FBXL7: variants seen among roughly 807,000 people sequenced by gnomAD.
FBXL7 encodes F-box/LRR-repeat protein 7.
Under a neutral mutation model 38.3 loss-of-function variants are expected in FBXL7, and 12 were observed. That is an observed-to-expected ratio of 0.31 (90% CI 0.20 to 0.51). FBXL7 has a LOEUF of 0.51. Among genes scored for constraint, FBXL7 ranks in the 20% least tolerant of loss-of-function variants. The pLI is 0.98. For synonymous variants in FBXL7, 297 were observed against 300.9 expected, an observed-to-expected ratio of 0.99 and a Z score of 0.13; for missense variants, 567 against 676.4, an observed-to-expected ratio of 0.84 and a Z score of 1.79.
In FBXL7 at chr5:15,592,388, C is replaced by T. The variant is rs552403537; in HGVS notation, c.38-23595C>T. 1.1e-4 allele frequency among the ~76,000 whole-genome samples: 16 copies of T among 152,262 alleles called. 1 individual carries two copies. In the South Asian group the frequency reaches 2.1e-3, roughly 20 times the overall value. ...GGATCATGGGCAATTTAAGTTCCTG[C>T]GCTCCAGTTCTCTCACCTTGAAAAT... On this transcript the variant is annotated intron_variant, in intron 1 of 3. Transcript: ENST00000504595.
rs145440302 is a variant in FBXL7, at chr5:15,785,052, G to T, written c.128-142838G>T. Among the ~76,000 whole-genome samples, 8 of 152,216 alleles carry T rather than the reference G, an allele frequency of 5.3e-5. No homozygotes were observed. In the East Asian group the frequency reaches 1.5e-3, roughly 29 times the overall value. On this transcript the variant is annotated intron_variant, in intron 2 of 3. Coordinates refer to ENST00000504595, the MANE Select transcript of FBXL7 (RefSeq NM_012304.5). Reference sequence around the variant, plus strand: ...AATCAGGTCTATACTGCAGCCTAGGGCATGATGAGCCAAACTTCTGTCTAA... The same window carrying T: ...AATCAGGTCTATACTGCAGCCTAGGTCATGATGAGCCAAACTTCTGTCTAA...
At chr5:15,606,805 A>G (rs532553657) in intron 1 of FBXL7, 8 of 152,326 alleles carry the variant, frequency 5.3e-5, no homozygotes, top group African/African-American at 1.9e-4. Flanking sequence ...AAAATGAAAC[A>G]GAGTGCTTAG....
At chr5:15,524,198 T>C (rs1737186426) in intron 1 of FBXL7, among the ~76,000 whole-genome samples, 1 of 152,220 alleles carries the variant, frequency 6.6e-6, no homozygotes, top group African/African-American at 2.4e-5. Context: ...ACCACAGGGC[T>C]GTGACTCCCC....
intron 1 of FBXL7, among the ~76,000 whole-genome samples, chr5:15,529,875 C>T (rs1409448921): frequency 1.3e-5 from 2 of 152,170 alleles, no homozygotes; most frequent in Non-Finnish European, 2.9e-5. Flanking sequence ...TATCCCCTGC[C>T]ATCTTGCTAG....
chr5:15,570,224 CT>C (rs1223796132), intron 1 of FBXL7, among the ~76,000 whole-genome samples: 2 of 152,056 alleles, frequency 1.3e-5, no homozygotes, highest in African/African-American at 4.8e-5. Flanking sequence ...TGGTCCTGGA[CT>C]TTTTTTGGTT....
Position 15,563,025 on chromosome 5 carries a change from C to T in FBXL7, c.38-52958C>T, listed in dbSNP as rs184152606. ...GTTGGGGAAAATATAGCAGAACTTA[C>T]TTATCTTTTCTTCTGCTGATAGACA... On this transcript the variant is annotated intron_variant, in intron 1 of 3. Coordinates refer to ENST00000504595, the MANE Select transcript of FBXL7 (RefSeq NM_012304.5). Among the ~76,000 whole-genome samples the T allele has an allele frequency of 2.6e-5, 4 of 152,212 alleles. No homozygotes were observed. In the East Asian group the frequency reaches 7.7e-4, roughly 29 times the overall value.
chr5:15,812,461 G>A (rs1045899813), intron 2 of FBXL7, among the ~76,000 whole-genome samples: 1 of 151,998 alleles, frequency 6.6e-6, no homozygotes, highest in Non-Finnish European at 1.5e-5. Context: ...CCTATGAAAC[G>A]AACCTGCGCA....
intron 2 of FBXL7, among the ~76,000 whole-genome samples, chr5:15,743,058 G>A (rs564259945): frequency 4.6e-5 from 7 of 152,154 alleles, no homozygotes; most frequent in Non-Finnish European, 7.4e-5. Context: ...TGGGAGCTAC[G>A]ATTCAAGATG....
chr5:15,913,599 A>G (rs1030302810), intron 2 of FBXL7, among the ~76,000 whole-genome samples: 3 of 152,238 alleles, frequency 2.0e-5, no homozygotes, highest in East Asian at 1.9e-4. Flanking sequence ...ATTCAATACT[A>G]TGCCATCTAT....
chr5:15,631,996 A>G (rs1402544471), intron 2 of FBXL7, among the ~76,000 whole-genome samples: 4 of 152,208 alleles, frequency 2.6e-5, no homozygotes, highest in Admixed American at 2.0e-4. Context: ...AAGCGTAACA[A>G]CAGAGTTACC....
chr5:15,548,521 T>G (rs1178600250), intron 1 of FBXL7, among the ~76,000 whole-genome samples: 1 of 152,214 alleles, frequency 6.6e-6, no homozygotes, highest in East Asian at 1.9e-4. Flanking sequence ...AACCTCACTG[T>G]TCCTCAGTCT....
chr5:15,730,674 T>C (rs13169630), intron 2 of FBXL7, among the ~76,000 whole-genome samples: 351 of 152,352 alleles, frequency 2.3e-3, no homozygotes, highest in African/African-American at 7.9e-3. Flanking sequence ...AAACCATGCA[T>C]CCTACTATGA....
At chr5:15,630,438 C>G (rs1474053527) in intron 2 of FBXL7, among the ~76,000 whole-genome samples, 4 of 150,460 alleles carry the variant, frequency 2.7e-5, no homozygotes, top group African/African-American at 9.8e-5. Context: ...TTTATTGGCA[C>G]AAAATATGGC....
At chr5:15,929,134 G>A (rs1741972595) in intron 3 of FBXL7, among the ~76,000 whole-genome samples, 2 of 152,166 alleles carry the variant, frequency 1.3e-5, no homozygotes, top group South Asian at 4.1e-4. Context: ...CGGGCCAGAC[G>A]GTGCCCACTG....
chr5:15,697,251 C>T (rs1438058986), intron 2 of FBXL7, among the ~76,000 whole-genome samples: 1 of 151,894 alleles, frequency 6.6e-6, no homozygotes, highest in Non-Finnish European at 1.5e-5. Flanking sequence ...GAAGATTTTC[C>T]AAGAAAGTAT....
chr5:15,511,791 A>T (rs1446234041), intron 1 of FBXL7, among the ~76,000 whole-genome samples: 1 of 152,156 alleles, frequency 6.6e-6, no homozygotes, highest in African/African-American at 2.4e-5. Flanking sequence ...AACAATGGGG[A>T]TCCTTTCATC....
chr5:15,891,928 G>A (rs1740920243), intron 2 of FBXL7, among the ~76,000 whole-genome samples: 1 of 152,190 alleles, frequency 6.6e-6, no homozygotes, highest in Non-Finnish European at 1.5e-5. Flanking sequence ...TGACTGCAGT[G>A]GGGCCAGAAG....
intron 2 of FBXL7, among the ~76,000 whole-genome samples, chr5:15,826,207 T>C (rs1201377517): frequency 6.6e-6 from 1 of 152,204 alleles, no homozygotes; most frequent in East Asian, 1.9e-4. Flanking sequence ...TTATTTTCAC[T>C]CCTTACCGAC....
chr5:15,920,764 G>T (rs530932316), intron 2 of FBXL7, among the ~76,000 whole-genome samples: 1 of 152,016 alleles, frequency 6.6e-6, no homozygotes. Flanking sequence ...CTGGTGATCC[G>T]CCTGCCTCAG....
Sources: allele counts gnomAD v4.1 joint callset (sites outside exome capture counted in the v4.1 genomes callset), GRCh38; gene constraint gnomAD v4.1.1; transcripts MANE v1.5; gene names NCBI Gene and HGNC (gene_info 2026-07-23, HGNC 2026-07-21).